HMGXB3: variants seen among roughly 807,000 people sequenced by gnomAD.
HMGXB3 encodes HMG domain-containing protein 3.
Under a neutral mutation model 121.5 loss-of-function variants are expected in HMGXB3, and 45 were observed. The observed-to-expected ratio is 0.37, with a 90% CI of 0.29 to 0.47. The LOEUF is 0.47. HMGXB3 is among the 20% of genes least tolerant of loss of function. The pLI is 0.99. For missense variants in HMGXB3, 1,376 were observed against 1,602.2 expected, an observed-to-expected ratio of 0.86 and a Z score of 2.41; for synonymous variants, 590 against 624.1, an observed-to-expected ratio of 0.95 and a Z score of 0.81.
At chr5:150,002,735 G>GT (rs1274221566) in intron 1 of HMGXB3, among the ~76,000 whole-genome samples, 3 of 152,256 alleles carry the variant, frequency 2.0e-5, no homozygotes, top group Non-Finnish European at 4.4e-5. Flanking sequence ...CATAAAAGCT[G>GT]TTAGTAGATT....
In HMGXB3 at chr5:150,032,670, A is replaced by G; in HGVS notation, c.1983+67A>G. On this transcript the variant is annotated intron_variant, in intron 11 of 19. Coordinates refer to ENST00000502717, the MANE Select transcript of HMGXB3 (RefSeq NM_014983.3). ...GCTCTGTTAGTGAACCTGTCTTAGTAGAAATAAGAAGATTTTTAAAGTACA... is the reference window on the plus strand; with the variant it reads ...GCTCTGTTAGTGAACCTGTCTTAGTGGAAATAAGAAGATTTTTAAAGTACA... The G allele has an allele frequency of 5.3e-6, 8 of 1,502,956 alleles. No homozygotes were observed. The South Asian group carries it at 9.8e-5, about 18-fold the overall frequency. The allele number at this position is 1,502,956 out of a possible 1,614,324, so 93.1% of individuals were successfully genotyped here.
At chr5:150,049,356 G>A (rs1013270538) in intron 18 of HMGXB3, among the ~76,000 whole-genome samples, 6 of 152,084 alleles carry the variant, frequency 3.9e-5, no homozygotes, top group African/African-American at 1.4e-4. Context: ...GTTAGCTCCA[G>A]GACAGGTTAT....
chr5:150,026,396 C>G (rs1167061391), intron 7 of HMGXB3, among the ~76,000 whole-genome samples: 1 of 152,200 alleles, frequency 6.6e-6, no homozygotes, highest in Non-Finnish European at 1.5e-5. Context: ...TTAGATGTTA[C>G]AGCTATAATA....
chr5:150,022,463 G>A (rs1472445636), intron 6 of HMGXB3, among the ~76,000 whole-genome samples: 1 of 152,192 alleles, frequency 6.6e-6, no homozygotes, highest in African/African-American at 2.4e-5. Context: ...CTCTGAGCCT[G>A]CAGCCTCAGA....
At chr5:150,015,146 G>A (rs967402868) in intron 5 of HMGXB3, 14 of 329,458 alleles carry the variant, frequency 4.2e-5, no homozygotes, top group Non-Finnish European at 7.8e-5. Flanking sequence ...GACTTCAAAG[G>A]TGAGCAGGGC....
intron 16 of HMGXB3, 190 bp from the exon 17 acceptor site, chr5:150,047,434 C>A: frequency 1.6e-6 from 1 of 610,428 alleles, no homozygotes; most frequent in Non-Finnish European, 2.8e-6. Flanking sequence ...TGTTCCAGGG[C>A]AGAAAGCCAG....
chr5:150,020,452 G>A (rs1423136398), intron 6 of HMGXB3, among the ~76,000 whole-genome samples: 1 of 152,210 alleles, frequency 6.6e-6, no homozygotes, highest in Non-Finnish European at 1.5e-5. Context: ...CATATTTCCT[G>A]TGCTTATACA....
At position 150,052,263 on chromosome 5, in the gene HMGXB3, C is replaced by G; in HGVS notation, c.*71C>G. On this transcript the variant is annotated 3_prime_UTR_variant, in exon 20 of 20. Transcript: ENST00000502717. ...AGGCCCTTGCCTGAGGCAGAGCTAT[C>G]CAGGGGACCTGCAGAAGTGGTCTCC... 1.6e-6 allele frequency: 2 copies of G among 1,244,114 alleles called. No homozygotes were observed. Among genetic ancestry groups the G allele is most frequent in the Non-Finnish European group, 2.2e-6 (2 of 902,742 alleles). 77.1% of individuals were successfully genotyped at this position (1,244,114 alleles called of 1,614,324 possible).
At chr5:150,028,086 G>C (rs1756275745) in intron 9 of HMGXB3, among the ~76,000 whole-genome samples, 1 of 152,068 alleles carries the variant, frequency 6.6e-6, no homozygotes, top group Admixed American at 6.5e-5. Context: ...TACATTCTAG[G>C]GGGACATCAG....
intron 1 of HMGXB3, among the ~76,000 whole-genome samples, chr5:150,002,383 G>A (rs1755592880): frequency 6.6e-6 from 1 of 152,168 alleles, no homozygotes; most frequent in South Asian, 2.1e-4. Context: ...ACTTCTCTGA[G>A]ATCATAAGGT....
intron 11 of HMGXB3, among the ~76,000 whole-genome samples, chr5:150,032,917 C>T (rs948043929): frequency 6.6e-6 from 1 of 152,166 alleles, no homozygotes; most frequent in East Asian, 1.9e-4. Context: ...ATCCTCTTAC[C>T]GCTGAGGCCT....
rs1755863101 is a variant in HMGXB3 at position 150,012,487 on chromosome 5, A to G, written c.909+134A>G. On this transcript the variant is annotated intron_variant, in intron 5 of 19. Coordinates refer to ENST00000502717, the MANE Select transcript of HMGXB3 (RefSeq NM_014983.3). ...AGATTTCTAAAAGTCTTAGAACCTCAGGATGCGAGGACTGGCAAAGATTTC... is the reference window on the plus strand; with the variant it reads ...AGATTTCTAAAAGTCTTAGAACCTCGGGATGCGAGGACTGGCAAAGATTTC... The G allele has an allele frequency of 9.1e-6, 6 of 658,654 alleles. No homozygotes were observed. In the East Asian group the frequency reaches 1.1e-4, roughly 12 times the overall value. The allele number at this position is 658,654 out of a possible 1,614,324, so 40.8% of individuals were successfully genotyped here.
intron 9 of HMGXB3, 43 bp from the exon 10 acceptor site, chr5:150,030,693 AGTTTG>A: frequency 7.3e-7 from 1 of 1,366,756 alleles, no homozygotes; most frequent in Non-Finnish European, 1.0e-6. Context: ...GGAGCTCAGG[AGTTTG>A]GCTAAGGTTC....
At chr5:150,017,874 C>T (rs79313199) in intron 5 of HMGXB3, among the ~76,000 whole-genome samples, 11,223 of 149,156 alleles carry the variant, frequency 0.075, 466 homozygotes, top group African/African-American at 0.1. Context: ...CATAGTAATA[C>T]ATTTTGCTCA....
intron 9 of HMGXB3, 64 bp downstream of exon 9, chr5:150,027,181 A>G (rs2113744423): frequency 7.7e-7 from 1 of 1,291,482 alleles, no homozygotes; most frequent in South Asian, 1.4e-5. Context: ...TAATGTATCA[A>G]AGCTATAGGT....
intron 7 of HMGXB3, 113 bp downstream of exon 7, chr5:150,024,793 GT>G: frequency 3.3e-6 from 3 of 916,098 alleles, no homozygotes; most frequent in Non-Finnish European, 4.7e-6. Context: ...AATGGTTCCT[GT>G]TTTAGAGATA....
In HMGXB3 at chr5:150,041,785, A is replaced by G. The variant is rs1408062889; in HGVS notation, c.2546A>G (p.Glu849Gly). ...CTCAGTGTTCTTGCTCTTCTTTCAG[A>G]GAAGACTCTGACCTCGGAGGAGCTG... ...VVLKSVQEQT[E>G]KTLTSEELSQ... Residue 849 changes from glutamate to glycine, a missense_variant and splice_region_variant, in exon 15 of 20, where the codon GAG (glutamate) becomes GGG (glycine). By Grantham distance (98) the Glu-to-Gly change is moderately conservative. Transcript: ENST00000502717. The G allele has an allele frequency of 6.4e-7, 1 of 1,550,832 alleles. No individual in the cohort carries two copies. The highest frequency in any genetic ancestry group is 2.4e-5 in the East Asian group (1 of 40,916).
Position 150,027,090 on chromosome 5 carries a change from A to G in HMGXB3, c.1707A>G (p.Gln569=), listed in dbSNP as rs752681299. The part of the protein sequence containing the change: ...STLKQLGQPI[Q]QPSGPGEVKL... ...TGAAGCAGCTGGGCCAGCCCATTCAACAGCCATCTGGCCCTGGTGAGGTGA... is the reference window on the plus strand; with the variant it reads ...TGAAGCAGCTGGGCCAGCCCATTCAGCAGCCATCTGGCCCTGGTGAGGTGA... Residue 569 remains glutamine, a synonymous_variant, in exon 9 of 20, where the codon CAA becomes CAG. Transcript: ENST00000502717. 4.5e-6 allele frequency: 7 copies of G among 1,551,686 alleles called. No homozygotes were observed. In the South Asian group the frequency reaches 7.1e-5, roughly 16 times the overall value.
intron 5 of HMGXB3, among the ~76,000 whole-genome samples, chr5:150,017,748 T>C (rs1196807691): frequency 6.6e-6 from 1 of 152,214 alleles, no homozygotes; most frequent in African/African-American, 2.4e-5. Context: ...TGAGTAAACA[T>C]TCATATGTGA....
Sources: allele counts gnomAD v4.1 joint callset (sites outside exome capture counted in the v4.1 genomes callset), GRCh38; gene constraint gnomAD v4.1.1; transcripts MANE v1.5; gene names NCBI Gene and HGNC (gene_info 2026-07-23, HGNC 2026-07-21).